The following ANKRD28 variants were observed in gnomAD, a reference collection of about 807,000 sequenced individuals.
ANKRD28 encodes the protein ankyrin repeat domain 28.
A neutral mutation model predicts 126.5 loss-of-function variants in ANKRD28; 44 were observed. The ratio of observed to expected loss-of-function variants is 0.35; its 90% CI spans 0.27 to 0.45. The LOEUF (loss-of-function observed/expected upper bound fraction) is 0.45. Among genes scored for constraint, ANKRD28 ranks in the 20% least tolerant of loss-of-function variants. The probability of loss-of-function intolerance (pLI) is 1.00; values close to 1 mark genes in which losing one functional copy is unlikely to be tolerated. For missense variants in ANKRD28, 1,110 were observed against 1,316.6 expected (o/e 0.84, Z 2.43); for synonymous variants, 442 against 468.5 (o/e 0.94, Z 0.73).
rs1438310596 is a variant in ANKRD28 at position 15,668,579 on chromosome 3, GCA to G, written c.*1689_*1690del. On this transcript the variant is annotated 3_prime_UTR_variant, in exon 28 of 28. Coordinates refer to ENST00000683139, the MANE Select transcript of ANKRD28 (RefSeq NM_001349278.2). ...AACTTTATAGATTTGTAGATAATAT[GCA>G]CAGATACAAATACATTATTCATTAA... 1 of 152,396 alleles carries G rather than the reference GCA, an allele frequency of 6.6e-6. No individual in the cohort carries two copies. The highest frequency in any genetic ancestry group is 2.1e-4 in the South Asian group (1 of 4,804). 9.4% of individuals were successfully genotyped at this position (152,396 alleles called of 1,614,324 possible).
At chr3:15,688,008 T>A (rs1053304093) in intron 18 of ANKRD28, among the ~76,000 whole-genome samples, 1 of 152,208 alleles carries the variant, frequency 6.6e-6, no homozygotes, top group African/African-American at 2.4e-5. Context: ...TTGAAAGGCA[T>A]CTATAGATAC....
At chr3:15,751,437 G>T (rs759142440) in intron 4 of ANKRD28, among the ~76,000 whole-genome samples, 1 of 152,138 alleles carries the variant, frequency 6.6e-6, no homozygotes, top group Non-Finnish European at 1.5e-5. Context: ...TGAAACCTTT[G>T]TAAGAGACTA....
chr3:15,814,296 T>C lies in ANKRD28; in HGVS notation c.28-18990A>G, dbSNP rs1440317528. 7.8e-6 allele frequency: 10 copies of C among 1,277,282 alleles called. No homozygotes were observed. The highest frequency in any genetic ancestry group is 2.6e-5 in the South Asian group (2 of 78,298). The allele number at this position is 1,277,282 out of a possible 1,614,324, so 79.1% of individuals were successfully genotyped here. On this transcript the variant is annotated intron_variant, in intron 1 of 27. Transcript: ENST00000399451. The surrounding 1 kb of genome is among the most constrained non-coding windows in gnomAD (Gnocchi z 4.7). ...GGTGGAGGCAGTTGTACTGTTTCAA[T>C]TCCAATCACAGGCCTGTAGCAGAAA...
At chr3:15,771,409 CAAAA>C (rs35184017) in intron 2 of ANKRD28, among the ~76,000 whole-genome samples, 1 of 115,116 alleles carries the variant, frequency 8.7e-6, no homozygotes, top group African/African-American at 3.4e-5. Context: ...AACTCTGTCT[CAAAA>C]AAAAAAAAAA....
At chr3:15,793,472 AT>A (rs983554787) in intron 2 of ANKRD28, among the ~76,000 whole-genome samples, 4 of 151,914 alleles carry the variant, frequency 2.6e-5, no homozygotes, top group Admixed American at 6.6e-5. Flanking sequence ...ATGACTCTGA[AT>A]TTTTTTTTAA....
chr3:15,817,244 T>C lies in ANKRD28; in HGVS notation c.28-21938A>G, dbSNP rs1038599291. On this transcript the variant is annotated intron_variant, in intron 1 of 27. Transcript: ENST00000399451. The surrounding 1 kb of genome is among the most constrained non-coding windows in gnomAD (Gnocchi z 4.5). The stretch of plus-strand genomic sequence containing the variant: ...CATTTCACATACTGATGATTTTATC[T>C]TGTCAGTAGAAGTACCATGGTTTTT... Among the ~76,000 whole-genome samples the C allele has an allele frequency of 4.8e-5, 7 of 147,088 alleles. No homozygotes were observed. Among genetic ancestry groups the C allele is most frequent in the African/African-American group, 1.5e-4 (6 of 40,518 alleles).
chr3:15,759,886 G>C (rs1424979064), intron 3 of ANKRD28, among the ~76,000 whole-genome samples: 1 of 152,122 alleles, frequency 6.6e-6, no homozygotes, highest in African/African-American at 2.4e-5. Flanking sequence ...TCTTTCAGAC[G>C]ATCTAGAGCT....
chr3:15,771,553 G>A (rs2059010361), intron 2 of ANKRD28, among the ~76,000 whole-genome samples: 1 of 152,116 alleles, frequency 6.6e-6, no homozygotes. Context: ...GGGGTGCCAA[G>A]CTCTTTAAAC....
In ANKRD28 at chr3:15,797,798, AGAT is replaced by A; in HGVS notation, c.-1280_-1278del. ...GATTTCAAATGCTTTCCTGTTCCTCAGATGATCTTGCAAAACACCACTGACATC... is the reference window on the plus strand; with the variant it reads ...GATTTCAAATGCTTTCCTGTTCCTCAGATCTTGCAAAACACCACTGACATC... On this transcript the variant is annotated 5_prime_UTR_variant, in exon 1 of 28. Transcript: ENST00000683139. 3.0e-6 allele frequency: 3 copies of A among 985,482 alleles called. No homozygotes were observed. The highest frequency in any genetic ancestry group is 3.6e-6 in the Non-Finnish European group (3 of 829,960). The allele number at this position is 985,482 out of a possible 1,614,324, so 61.0% of individuals were successfully genotyped here. A position where few individuals can be genotyped will look rare whatever the true frequency, so the allele number is the denominator to read the frequency against.
intron 14 of ANKRD28, among the ~76,000 whole-genome samples, chr3:15,707,712 A>G (rs1016880193): frequency 1.3e-5 from 2 of 152,208 alleles, no homozygotes; most frequent in Non-Finnish European, 2.9e-5. Flanking sequence ...CTTCCACCAG[A>G]TCAGCTAGTA....
At chr3:15,747,863 T>C (rs2057585995) in intron 4 of ANKRD28, among the ~76,000 whole-genome samples, 1 of 152,210 alleles carries the variant, frequency 6.6e-6, no homozygotes. Flanking sequence ...TTTATAAATT[T>C]GGGAGCTCCA....
intron 23 of ANKRD28, among the ~76,000 whole-genome samples, 199 bp from the exon 24 acceptor site, chr3:15,678,553 G>T (rs964037853): frequency 1.3e-5 from 2 of 152,100 alleles, no homozygotes; most frequent in Non-Finnish European, 2.9e-5. Context: ...AATACAGAAG[G>T]CTTTAATTAA....
At chr3:15,692,385 G>A (rs1663432145) in intron 17 of ANKRD28, among the ~76,000 whole-genome samples, 1 of 152,168 alleles carries the variant, frequency 6.6e-6, no homozygotes. Context: ...AGGAATTCAA[G>A]ACTGTAGTGA....
chr3:15,796,307 TA>T, intron 1 of ANKRD28, 97 bp downstream of exon 1: 1 of 718,580 alleles, frequency 1.4e-6, no homozygotes, highest in Non-Finnish European at 1.9e-6. Context: ...TTTGGGTTTG[TA>T]AAGAAACTAT....
chr3:15,724,743 C>T (rs1448022382), intron 6 of ANKRD28, among the ~76,000 whole-genome samples: 1 of 152,018 alleles, frequency 6.6e-6, no homozygotes, highest in African/African-American at 2.4e-5. Context: ...CTTTGGGAGG[C>T]TGAAGTGGGA....
chr3:15,707,341 C>A (rs1262753249), intron 14 of ANKRD28, among the ~76,000 whole-genome samples: 1 of 152,126 alleles, frequency 6.6e-6, no homozygotes, highest in African/African-American at 2.4e-5. Context: ...ACAGTTTATG[C>A]ATCATTTATT....
intron 6 of ANKRD28, among the ~76,000 whole-genome samples, chr3:15,734,486 T>C (rs1289544509): frequency 6.6e-6 from 1 of 152,160 alleles, no homozygotes; most frequent in Non-Finnish European, 1.5e-5. Flanking sequence ...GGAGTTAAAA[T>C]AGCAGAAGCA....
At chr3:15,820,988 C>T (rs1032741490) in intron 1 of ANKRD28, among the ~76,000 whole-genome samples, 1 of 152,112 alleles carries the variant, frequency 6.6e-6, no homozygotes, top group African/African-American at 2.4e-5. Context: ...ATCAGGGTTT[C>T]TCAATGTTGG....
intron 27 of ANKRD28, among the ~76,000 whole-genome samples, chr3:15,673,493 T>C (rs1021894780): frequency 3.3e-5 from 5 of 152,232 alleles, no homozygotes; most frequent in African/African-American, 1.2e-4. Flanking sequence ...ACATTCACTT[T>C]AGTGGAGAAG....
Sources: gnomAD v4.1 joint callset for allele counts (sites outside exome capture counted in the v4.1 genomes callset) on GRCh38, gnomAD v4.1.1 for gene constraint, Gnocchi (gnomAD v3.1) non-coding constraint, MANE v1.5 for transcripts, NCBI Gene and HGNC (gene_info 2026-07-23, HGNC 2026-07-21) for gene names.